Variants in ADAMTSL1 observed in about 807,000 individuals in gnomAD.
The protein encoded by ADAMTSL1 is ADAMTS-like protein 1.
In ADAMTSL1, 126 loss-of-function variants were observed where a neutral mutation model predicts 201.8. That is an observed-to-expected ratio of 0.62 (90% CI 0.54 to 0.72). The LOEUF is 0.72. Ranked by LOEUF, ADAMTSL1 falls within the 30% of genes least tolerant of loss-of-function variation. The probability of loss-of-function intolerance (pLI) is 0.00; values close to 1 mark genes in which losing one functional copy is unlikely to be tolerated. For synonymous variants in ADAMTSL1, 1,121 were observed against 903.4 expected, an observed-to-expected ratio of 1.24 and a Z score of -4.32; for missense variants, 2,679 against 2,277.8, an observed-to-expected ratio of 1.18 and a Z score of -3.59.
chr9:18,475,756 T>G (rs1354417056), intron 1 of ADAMTSL1, among the ~76,000 whole-genome samples: 2 of 152,148 alleles, frequency 1.3e-5, no homozygotes, highest in Non-Finnish European at 2.9e-5. Context: ...TTTGTGATTT[T>G]TTTAAGTGTG....
intron 2 of ADAMTSL1, among the ~76,000 whole-genome samples, chr9:18,333,768 A>G (rs1019941399): frequency 6.6e-6 from 1 of 152,162 alleles, no homozygotes; most frequent in African/African-American, 2.4e-5. Flanking sequence ...GACAGATTTT[A>G]CCCTAGAAAA....
intron 19 of ADAMTSL1, 81 bp from the exon 20 acceptor site, chr9:18,795,316 C>A: frequency 6.4e-7 from 1 of 1,572,794 alleles, no homozygotes; most frequent in Non-Finnish European, 8.6e-7. Flanking sequence ...CCCTGAGGTT[C>A]CTTCCTGCCT....
chr9:18,242,444 C>A (rs1831107542), intron 2 of ADAMTSL1, among the ~76,000 whole-genome samples: 1 of 152,082 alleles, frequency 6.6e-6, no homozygotes, highest in African/African-American at 2.4e-5. Context: ...TCATTAAGAT[C>A]CAGTATGAAG....
intron 4 of ADAMTSL1, among the ~76,000 whole-genome samples, chr9:18,605,564 GAA>G (rs562472585): frequency 1.3e-5 from 2 of 152,290 alleles, no homozygotes; most frequent in East Asian, 3.9e-4. Context: ...AAGAAGAACA[GAA>G]AAGACAGCCT....
At chr9:18,471,884 A>T (rs1254234929), upstream of ADAMTSL1, among the ~76,000 whole-genome samples, 1 of 152,238 alleles carries the variant, frequency 6.6e-6, no homozygotes, top group Non-Finnish European at 1.5e-5. Context: ...GGCAGTATTT[A>T]TTTGCAAAGC....
At chr9:18,618,976 G>A (rs1288396892) in intron 4 of ADAMTSL1, among the ~76,000 whole-genome samples, 1 of 152,204 alleles carries the variant, frequency 6.6e-6, no homozygotes, top group East Asian at 1.9e-4. Context: ...ATGAAGAAAC[G>A]GCTATGGAAA....
upstream of ADAMTSL1, among the ~76,000 whole-genome samples, chr9:18,471,837 A>C (rs1301482099): frequency 2.6e-5 from 4 of 151,642 alleles, no homozygotes; most frequent in Non-Finnish European, 4.4e-5. Flanking sequence ...ATGCCCATTA[A>C]AACTTCAAGG....
chr9:17,954,799 G>C (rs1442767211), intron 1 of ADAMTSL1, among the ~76,000 whole-genome samples: 2 of 152,150 alleles, frequency 1.3e-5, no homozygotes, highest in Non-Finnish European at 2.9e-5. Context: ...GGTCTGTTTA[G>C]AGTTTTCACA....
At chr9:18,790,720 T>C (rs1469997720) in intron 19 of ADAMTSL1, among the ~76,000 whole-genome samples, 1 of 152,172 alleles carries the variant, frequency 6.6e-6, no homozygotes, top group Non-Finnish European at 1.5e-5. Flanking sequence ...TATTGTCACA[T>C]AGAAGCTTAC....
At chr9:18,161,644 G>C (rs1827393284) in intron 1 of ADAMTSL1, among the ~76,000 whole-genome samples, 1 of 151,980 alleles carries the variant, frequency 6.6e-6, no homozygotes. Flanking sequence ...GCTGTGAGTG[G>C]CCCTGAATAA....
intron 28 of ADAMTSL1, chr9:18,908,116 G>A: frequency 2.8e-6 from 1 of 360,608 alleles, no homozygotes; most frequent in Non-Finnish European, 5.3e-6. Flanking sequence ...TGATCACCTA[G>A]GAGATGAGGT....
chr9:18,501,524 A>G (rs899396336), intron 1 of ADAMTSL1, among the ~76,000 whole-genome samples: 3 of 145,168 alleles, frequency 2.1e-5, no homozygotes, highest in African/African-American at 7.5e-5. Flanking sequence ...AAAAAAAAAA[A>G]GTAAAAGAGA....
At chr9:17,935,935 G>T (rs964360801) in intron 1 of ADAMTSL1, among the ~76,000 whole-genome samples, 2 of 152,038 alleles carry the variant, frequency 1.3e-5, no homozygotes, top group East Asian at 1.9e-4. Flanking sequence ...GGCTTATAAG[G>T]CCTGATTTAT....
In ADAMTSL1 at chr9:18,622,460, ACCT is replaced by A. The variant is rs750299344; in HGVS notation, c.601+94_601+96del. On this transcript the variant is annotated intron_variant, in intron 5 of 28. Transcript: ENST00000380548. Reference sequence around the variant, plus strand: ...CCCCACTAAACAGCCAGGGAACAACACCTCCACCAAAACGATAATGAACCTGAA... The same window carrying A: ...CCCCACTAAACAGCCAGGGAACAACACCACCAAAACGATAATGAACCTGAA... The A allele has an allele frequency of 9.6e-6, 15 of 1,559,742 alleles. 1 individual carries two copies. The Admixed American group carries it at 1.3e-4, about 13-fold the overall frequency.
At chr9:18,279,307 T>C (rs1294012603) in intron 2 of ADAMTSL1, among the ~76,000 whole-genome samples, 1 of 152,020 alleles carries the variant, frequency 6.6e-6, no homozygotes, top group Non-Finnish European at 1.5e-5. Context: ...TTATTCATAT[T>C]TGGTTTTAAA....
At chr9:18,584,335 A>G (rs1358349955) in intron 4 of ADAMTSL1, among the ~76,000 whole-genome samples, 1 of 151,446 alleles carries the variant, frequency 6.6e-6, no homozygotes, top group South Asian at 2.1e-4. Flanking sequence ...ACCATGTGAG[A>G]TGTCCCTGTC....
chr9:18,061,531 A>G (rs149641202), intron 1 of ADAMTSL1, among the ~76,000 whole-genome samples: 99 of 152,318 alleles, frequency 6.5e-4, no homozygotes, highest in Non-Finnish European at 1.8e-4. Context: ...CAGCTATAAA[A>G]TATTAGTGTG....
intron 2 of ADAMTSL1, among the ~76,000 whole-genome samples, chr9:18,443,139 C>A (rs576172271): frequency 9.9e-5 from 15 of 152,250 alleles, no homozygotes; most frequent in African/African-American, 3.6e-4. Context: ...GAAAATCTGG[C>A]CTTTGATGTA....
chr9:18,775,452 A>G (rs762289502), intron 17 of ADAMTSL1, among the ~76,000 whole-genome samples: 6 of 152,342 alleles, frequency 3.9e-5, no homozygotes, highest in Non-Finnish European at 8.8e-5. Context: ...CTAGTGAAAT[A>G]CTGAGCTGGG....
Sources: gnomAD v4.1 joint callset for allele counts (sites outside exome capture counted in the v4.1 genomes callset) on GRCh38, gnomAD v4.1.1 for gene constraint, MANE v1.5 for transcripts, NCBI Gene and HGNC (gene_info 2026-07-23, HGNC 2026-07-21) for gene names.